Variants in RTN3 observed in about 807,000 individuals in gnomAD.
RTN3 encodes reticulon-3.
RTN3 carries 49 observed loss-of-function variants against 77.8 expected under a neutral mutation model. The ratio of observed to expected loss-of-function variants is 0.63; its 90% CI spans 0.50 to 0.80. The LOEUF (loss-of-function observed/expected upper bound fraction) is 0.80, where lower values mean the gene tolerates loss of function less well. Ranked by LOEUF, RTN3 falls within the 30% of genes least tolerant of loss-of-function variation. RTN3 has a pLI of 0.00. For missense variants in RTN3, 1,236 were observed against 1,211.9 expected, an observed-to-expected ratio of 1.02 and a Z score of -0.29; for synonymous variants, 464 against 446.9, an observed-to-expected ratio of 1.04 and a Z score of -0.48.
intron 2 of RTN3, among the ~76,000 whole-genome samples, chr11:63,718,163 G>C (rs962077861): frequency 6.6e-6 from 1 of 152,082 alleles, no homozygotes; most frequent in Non-Finnish European, 1.5e-5. Context: ...GATTCAGGAA[G>C]GGCCCATTGC....
chr11:63,753,566 T>C, intron 6 of RTN3, 96 bp from the exon 7 acceptor site: 2 of 1,131,680 alleles, frequency 1.8e-6, no homozygotes, highest in Non-Finnish European at 2.6e-6. Flanking sequence ...TGTGTTTTCC[T>C]GTATTTTTTG....
Position 63,720,605 on chromosome 11 carries a change from TGAAATTAAAGA to T in RTN3, c.2104_2114del (p.Glu702HisfsTer7). The T allele has an allele frequency of 6.2e-7, 1 of 1,613,870 alleles. No homozygotes were observed. Among genetic ancestry groups the T allele is most frequent in the East Asian group, 2.2e-5 (1 of 44,868 alleles). On this transcript the variant is annotated frameshift_variant, in exon 3 of 9. Coordinates refer to ENST00000377819, the MANE Select transcript of RTN3 (RefSeq NM_001265589.2). LOFTEE classifies it high-confidence loss of function. ...TACATGAAAATGAGTCCGGTGGTTC[TGAAATTAAAGA>T]CATTGGAAGCAAATACAGTGAACAA...
rs763492393 is a variant in RTN3 at position 63,719,500 on chromosome 11, A to G, written c.998A>G (p.His333Arg). Residue 333 changes from histidine to arginine, a missense_variant, in exon 3 of 9, where the codon CAT becomes CGT. His to Arg is a conservative substitution (Grantham distance 29). Transcript: ENST00000377819. ...EEVSRCVNDM[H>R]NFTNEILTWD... ...GTGTCCAGATGCGTGAATGATATGCATAACTTTACTAACGAAATACTGACT... is the reference window on the plus strand; with the variant it reads ...GTGTCCAGATGCGTGAATGATATGCGTAACTTTACTAACGAAATACTGACT... 15 of 1,614,094 alleles carry G rather than the reference A, an allele frequency of 9.3e-6. No homozygotes were observed. The highest frequency in any genetic ancestry group is 1.2e-5 in the Non-Finnish European group (14 of 1,180,048).
rs916718494 is a variant in RTN3 at position 63,681,898 on chromosome 11, C to T, written c.142+120C>T. ...TACCCTCGACTACTGACGGCTTCAG[C>T]CCCCCGGGGACGAGCGTTTGGAAAA... On this transcript the variant is annotated intron_variant, in intron 1 of 8. Coordinates refer to ENST00000377819, the MANE Select transcript of RTN3 (RefSeq NM_001265589.2). The T allele has an allele frequency of 1.5e-5, 17 of 1,101,652 alleles. 1 individual carries two copies. In the Middle Eastern group the frequency reaches 1.9e-3, roughly 120 times the overall value. 68.2% of individuals were successfully genotyped at this position (1,101,652 alleles called of 1,614,324 possible).
Position 63,719,504 on chromosome 11 carries a change from C to T in RTN3, c.1002C>T (p.Asn334=). Residue 334 remains asparagine (N), a synonymous_variant, in exon 3 of 9, where the codon AAC becomes AAT. Coordinates refer to ENST00000377819, the MANE Select transcript of RTN3 (RefSeq NM_001265589.2). The part of the protein sequence containing the change: ...EVSRCVNDMH[N]FTNEILTWDL... ...CCAGATGCGTGAATGATATGCATAA[C>T]TTTACTAACGAAATACTGACTTGGG... 1 of 1,614,170 alleles carries T rather than the reference C, an allele frequency of 6.2e-7. No homozygotes were observed. The highest frequency in any genetic ancestry group is 8.5e-7 in the Non-Finnish European group (1 of 1,180,016).
At chr11:63,695,628 G>T (rs1044403021) in intron 1 of RTN3, among the ~76,000 whole-genome samples, 5 of 152,222 alleles carry the variant, frequency 3.3e-5, no homozygotes, top group Admixed American at 2.0e-4. Flanking sequence ...GCTGTGATGA[G>T]CATGGCCCTT....
At chr11:63,693,144 G>T (rs1941753993) in intron 1 of RTN3, among the ~76,000 whole-genome samples, 1 of 152,018 alleles carries the variant, frequency 6.6e-6, no homozygotes, top group African/African-American at 2.4e-5. Flanking sequence ...AAATATTTAT[G>T]GGAAGAATGA....
chr11:63,681,802 C>T, intron 1 of RTN3, 24 bp downstream of exon 1: 3 of 1,533,076 alleles, frequency 2.0e-6, no homozygotes, highest in Non-Finnish European at 2.6e-6. Context: ...GGAGCCCCCG[C>T]CCTGGGAAAG....
At chr11:63,691,976 T>C (rs1031919649) in intron 1 of RTN3, among the ~76,000 whole-genome samples, 1 of 152,160 alleles carries the variant, frequency 6.6e-6, no homozygotes, top group Admixed American at 6.6e-5. Context: ...AGAAGACTTA[T>C]TAATAAATAC....
Position 63,688,673 on chromosome 11 carries a change from T to C in RTN3, c.142+6895T>C, listed in dbSNP as rs550037506. 2.0e-5 allele frequency among the ~76,000 whole-genome samples: 3 copies of C among 152,342 alleles called. No homozygotes were observed. The South Asian group carries it at 6.2e-4, about 32-fold the overall frequency. ...TCTAAGGGGTTGTTCATTAAGTGGC[T>C]GGTAAGAACCTCAGTGTTTTTATTC... On this transcript the variant is annotated intron_variant, in intron 1 of 8. Transcript: ENST00000377819.
intron 4 of RTN3, among the ~76,000 whole-genome samples, chr11:63,751,161 G>A (rs1269460454): frequency 6.6e-6 from 1 of 152,172 alleles, no homozygotes; most frequent in Non-Finnish European, 1.5e-5. Context: ...ATGAGCCACC[G>A]TGCCCGGCAA....
intron 3 of RTN3, among the ~76,000 whole-genome samples, chr11:63,741,243 C>T (rs1423951457): frequency 2.0e-5 from 3 of 151,400 alleles, no homozygotes. Flanking sequence ...GCTCTTGTCG[C>T]CCAGGCTGCA....
At chr11:63,747,158 G>T in intron 3 of RTN3, 1 of 383,572 alleles carries the variant, frequency 2.6e-6, no homozygotes, top group Non-Finnish European at 5.3e-6. Context: ...GTTTTGGGCG[G>T]GAATACCATA....
At chr11:63,733,945 GACAC>G (rs1418332438) in intron 3 of RTN3, among the ~76,000 whole-genome samples, 1 of 151,574 alleles carries the variant, frequency 6.6e-6, no homozygotes, top group Non-Finnish European at 1.5e-5. Context: ...TATACACACA[GACAC>G]ACATATATAT....
chr11:63,731,299 C>T (rs1178715017), intron 3 of RTN3, among the ~76,000 whole-genome samples: 1 of 152,106 alleles, frequency 6.6e-6, no homozygotes, highest in Admixed American at 6.6e-5. Flanking sequence ...AGGTTGGTCT[C>T]GAACTCCCAA....
At chr11:63,732,728 C>T (rs892648009) in intron 3 of RTN3, among the ~76,000 whole-genome samples, 1 of 151,846 alleles carries the variant, frequency 6.6e-6, no homozygotes, top group Non-Finnish European at 1.5e-5. Context: ...AATTCCAGGC[C>T]CAGAGTTTTC....
intron 3 of RTN3, among the ~76,000 whole-genome samples, chr11:63,727,333 A>G (rs2012355470): frequency 6.6e-6 from 1 of 152,248 alleles, no homozygotes. Flanking sequence ...GTCTGAAGAA[A>G]AAGAGACAAT....
intron 3 of RTN3, among the ~76,000 whole-genome samples, chr11:63,744,240 CAAAAAAAA>C (rs71468642): frequency 7.9e-5 from 5 of 63,622 alleles, no homozygotes; most frequent in African/African-American, 2.3e-4. Flanking sequence ...GACTCTGTCT[CAAAAAAAA>C]AAAAAAAAAA....
At chr11:63,736,380 GA>G (rs1279253264) in intron 3 of RTN3, among the ~76,000 whole-genome samples, 4 of 152,000 alleles carry the variant, frequency 2.6e-5, no homozygotes, top group Non-Finnish European at 4.4e-5. Flanking sequence ...AAATACAAAA[GA>G]AAAAACAATA....
Sources: gnomAD v4.1 joint callset for allele counts (sites outside exome capture counted in the v4.1 genomes callset) on GRCh38, gnomAD v4.1.1 for gene constraint, MANE v1.5 for transcripts, NCBI Gene and HGNC (gene_info 2026-07-23, HGNC 2026-07-21) for gene names.